The following CCDC178 variants were observed in gnomAD, a reference collection of about 807,000 sequenced individuals.
CCDC178 encodes coiled-coil domain containing 178, also known as coiled-coil domain-containing protein 178.
Under a neutral mutation model 117.4 loss-of-function variants are expected in CCDC178, and 126 were observed. That is an observed-to-expected ratio of 1.07 (90% CI 0.93 to 1.24). CCDC178 has a LOEUF of 1.24. Among genes scored for constraint, CCDC178 ranks in the 50% most tolerant of loss-of-function variants. The pLI is 0.00. For missense variants in CCDC178, 1,030 were observed against 986.9 expected, an observed-to-expected ratio of 1.04 and a Z score of -0.59; for synonymous variants, 283 against 313.4, an observed-to-expected ratio of 0.90 and a Z score of 1.02.
At chr18:32,947,934 C>T (rs2054392323) in intron 22 of CCDC178, among the ~76,000 whole-genome samples, 2 of 152,170 alleles carry the variant, frequency 1.3e-5, no homozygotes, top group South Asian at 4.1e-4. Context: ...GCAATTTTAA[C>T]AGCACCTTTT....
chr18:33,233,547 T>C (rs1276243747), intron 15 of CCDC178, among the ~76,000 whole-genome samples: 3 of 152,074 alleles, frequency 2.0e-5, no homozygotes, highest in Admixed American at 6.6e-5. Context: ...GGAGACAGAC[T>C]TAAGAGTAAA....
intron 21 of CCDC178, among the ~76,000 whole-genome samples, chr18:32,994,023 C>T (rs1467681864): frequency 1.3e-5 from 2 of 151,942 alleles, no homozygotes; most frequent in African/African-American, 4.8e-5. Context: ...TGAGGCATCA[C>T]CCCACCCCAA....
intron 14 of CCDC178, among the ~76,000 whole-genome samples, chr18:33,255,525 G>A (rs2059668546): frequency 6.6e-6 from 1 of 152,054 alleles, no homozygotes; most frequent in Non-Finnish European, 1.5e-5. Flanking sequence ...ACCCATTGGA[G>A]AGATATTTAA....
chr18:33,242,880 T>A (rs2059505158), intron 15 of CCDC178, among the ~76,000 whole-genome samples: 1 of 151,874 alleles, frequency 6.6e-6, no homozygotes, highest in South Asian at 2.1e-4. Context: ...GAGTACTGTA[T>A]CATCCTGCAA....
chr18:33,383,913 G>A (rs765420125), intron 5 of CCDC178, among the ~76,000 whole-genome samples: 5 of 151,978 alleles, frequency 3.3e-5, no homozygotes, highest in South Asian at 2.1e-4. Flanking sequence ...AATGAATTTC[G>A]CTGAGCTAAA....
intron 20 of CCDC178, among the ~76,000 whole-genome samples, chr18:33,180,467 A>G (rs953922032): frequency 6.6e-6 from 1 of 151,974 alleles, no homozygotes; most frequent in African/African-American, 2.4e-5. Flanking sequence ...ATTATAAAAT[A>G]TAATCCAATG....
intron 20 of CCDC178, among the ~76,000 whole-genome samples, chr18:33,188,906 A>T (rs1211443395): frequency 1.3e-5 from 2 of 152,178 alleles, no homozygotes; most frequent in Non-Finnish European, 2.9e-5. Flanking sequence ...TAGAAATAAT[A>T]GAAAATTTTC....
intron 21 of CCDC178, among the ~76,000 whole-genome samples, chr18:32,996,061 G>T (rs2055501232): frequency 6.6e-6 from 1 of 151,732 alleles, no homozygotes; most frequent in Non-Finnish European, 1.5e-5. Flanking sequence ...TACAATGTCA[G>T]ATACGGAATG....
At chr18:33,424,225 T>C (rs1352679711) in intron 2 of CCDC178, among the ~76,000 whole-genome samples, 1 of 152,238 alleles carries the variant, frequency 6.6e-6, no homozygotes. Flanking sequence ...CAATATTAGT[T>C]AGAAGTCTAC....
chr18:33,440,291 CTGGGGGA>C (rs2064362921), intron 1 of CCDC178, among the ~76,000 whole-genome samples: 4 of 14,968 alleles, frequency 2.7e-4, no homozygotes, highest in African/African-American at 1.0e-3. Context: ...GCAGTGGGGA[CTGGGGGA>C]CTGGGGGACT....
At chr18:33,411,725 C>G (rs1171211022) in intron 3 of CCDC178, among the ~76,000 whole-genome samples, 1 of 152,100 alleles carries the variant, frequency 6.6e-6, no homozygotes, top group East Asian at 1.9e-4. Context: ...GGAATGGAAT[C>G]GAGAAGAGAT....
intron 11 of CCDC178, among the ~76,000 whole-genome samples, chr18:33,318,865 A>C (rs1177849102): frequency 6.6e-6 from 1 of 152,100 alleles, no homozygotes; most frequent in Non-Finnish European, 1.5e-5. Flanking sequence ...AATGAAAATT[A>C]ATAGATTATG....
chr18:33,347,373 G>A (rs1480316389), intron 8 of CCDC178, among the ~76,000 whole-genome samples: 2 of 152,130 alleles, frequency 1.3e-5, no homozygotes, highest in Non-Finnish European at 2.9e-5. Flanking sequence ...ATAAGCGCAA[G>A]CTCAGCAGTC....
At chr18:33,038,535 T>G (rs2056486895) in intron 21 of CCDC178, among the ~76,000 whole-genome samples, 1 of 152,010 alleles carries the variant, frequency 6.6e-6, no homozygotes, top group Non-Finnish European at 1.5e-5. Context: ...CCAAGTGACC[T>G]CCTGTTGTAG....
intron 20 of CCDC178, among the ~76,000 whole-genome samples, chr18:33,159,510 C>T (rs140034665): frequency 7.9e-5 from 12 of 152,228 alleles, no homozygotes; most frequent in Non-Finnish European, 1.5e-4. Flanking sequence ...AATTTGCTTT[C>T]TTGGCTAGTA....
At chr18:33,289,841 C>T (rs2060145694) in intron 12 of CCDC178, among the ~76,000 whole-genome samples, 1 of 152,014 alleles carries the variant, frequency 6.6e-6, no homozygotes, top group East Asian at 1.9e-4. Flanking sequence ...AGGAGAGGAT[C>T]ACAAAATCCC....
At chr18:33,062,475 A>G (rs901833476) in intron 21 of CCDC178, among the ~76,000 whole-genome samples, 1 of 152,084 alleles carries the variant, frequency 6.6e-6, no homozygotes, top group African/African-American at 2.4e-5. Context: ...GTGACAGGGA[A>G]CCTCTGAGGC....
In CCDC178 at chr18:33,436,380, C is replaced by T. The variant is rs897913076; in HGVS notation, c.-23+3582G>A. Among the ~76,000 whole-genome samples, 8 of 152,170 alleles carry T rather than the reference C, an allele frequency of 5.3e-5. No individual in the cohort carries two copies. In the East Asian group the frequency reaches 1.5e-3, roughly 29 times the overall value. ...GATGATGAAAGACATGCATAGACCA[C>T]TCTTTCTAGGACTTGAGCAGATATG... On this transcript the variant is annotated intron_variant, in intron 2 of 22. Transcript: ENST00000383096.
At chr18:33,318,403 G>C (rs1042147315) in intron 11 of CCDC178, among the ~76,000 whole-genome samples, 1 of 152,298 alleles carries the variant, frequency 6.6e-6, no homozygotes, top group Middle Eastern at 3.4e-3. Flanking sequence ...GTTGGTGGTT[G>C]CCAAGGTGCA....
Sources: gnomAD v4.1 joint callset for allele counts (sites outside exome capture counted in the v4.1 genomes callset) on GRCh38, gnomAD v4.1.1 for gene constraint, MANE v1.5 for transcripts, NCBI Gene and HGNC (gene_info 2026-07-23, HGNC 2026-07-21) for gene names.